DDX18: variants seen among roughly 807,000 people sequenced by gnomAD.
DDX18 encodes the protein ATP-dependent RNA helicase DDX18.
Under a neutral mutation model 73.5 loss-of-function variants are expected in DDX18, and 23 were observed. The ratio of observed to expected loss-of-function variants is 0.31; its 90% CI spans 0.23 to 0.44. DDX18 has a LOEUF of 0.44. Ranked by LOEUF, DDX18 falls within the 20% of genes least tolerant of loss-of-function variation. The pLI is 1.00. For synonymous variants in DDX18, 268 were observed against 282.7 expected (o/e 0.95, Z 0.52); for missense variants, 753 against 792.9 (o/e 0.95, Z 0.60).
In DDX18 at chr2:117,830,671, A is replaced by G; in HGVS notation, c.1960A>G (p.Ile654Val). 1 of 1,613,862 alleles carries G rather than the reference A, an allele frequency of 6.2e-7. No homozygotes were observed. Among genetic ancestry groups the G allele is most frequent in the Non-Finnish European group, 8.5e-7 (1 of 1,179,822 alleles). Reference sequence around the variant, plus strand: ...AACCAAGAAAGTTGAGAAATCCAAAATCTTTAAACACATTAGCAAGAAATC... The same window carrying G: ...AACCAAGAAAGTTGAGAAATCCAAAGTCTTTAAACACATTAGCAAGAAATC... ...QKTKKVEKSK[I>V]FKHISKKSSD... The change falls in exon 14 of 14, where the codon ATC becomes GTC. Residue 654 changes from isoleucine to valine, a missense_variant. Around this residue, in one of 3 missense-constraint regions of DDX18, gnomAD observed 402 missense variants for 419.4 expected, o/e 0.96. Transcript: ENST00000263239.
intron 7 of DDX18, chr2:117,824,308 GTAGA>G (rs373548525): frequency 4.7e-4 from 132 of 278,556 alleles, no homozygotes; most frequent in African/African-American, 2.7e-3. Context: ...AATTTCTTTA[GTAGA>G]TATAAGGCTA....
At chr2:117,821,342 C>T (rs748391458) in intron 4 of DDX18, 46 bp downstream of exon 4, 3 of 1,568,770 alleles carry the variant, frequency 1.9e-6, no homozygotes, top group Non-Finnish European at 2.6e-6. Context: ...ATTTTTAGAA[C>T]TAGTAGATGA....
At chr2:117,823,456 CACACACATAT>C (rs1367962696) in intron 7 of DDX18, among the ~76,000 whole-genome samples, 1 of 152,122 alleles carries the variant, frequency 6.6e-6, no homozygotes, top group African/African-American at 2.4e-5. Context: ...CATATATACA[CACACACATAT>C]ACACACATAT....
chr2:117,826,568 T>C, intron 11 of DDX18, 186 bp downstream of exon 11: 1 of 602,582 alleles, frequency 1.7e-6, no homozygotes, highest in Non-Finnish European at 2.9e-6. Context: ...ACTGCCCACA[T>C]GGCTCGGCTT....
chr2:117,828,959 G>C lies in DDX18; in HGVS notation c.1646G>C (p.Ser549Thr). 1 of 1,609,660 alleles carries C rather than the reference G, an allele frequency of 6.2e-7. No homozygotes were observed. Among genetic ancestry groups the C allele is most frequent in the Non-Finnish European group, 8.5e-7 (1 of 1,176,194 alleles). ...RYLKQSKVPL[S>T]EFDFSWSKIS... is the part of the protein sequence containing the mutation. ...ACTTTTGATTTCTAGGTTCCATTAA[G>C]TGAATTTGACTTTTCCTGGTCTAAA... The change falls in exon 12 of 14, where the codon AGT becomes ACT. Residue 549 changes from serine (S) to threonine (T), a missense_variant. Around this residue, in one of 3 missense-constraint regions of DDX18, gnomAD observed 402 missense variants for 419.4 expected, o/e 0.96. Coordinates refer to ENST00000263239, the MANE Select transcript of DDX18 (RefSeq NM_006773.4).
intron 10 of DDX18, 96 bp downstream of exon 10, chr2:117,825,695 G>C (rs1679914760): frequency 1.4e-6 from 2 of 1,446,408 alleles, no homozygotes; most frequent in South Asian, 2.6e-5. Flanking sequence ...CCACATTCAA[G>C]GTAAAGATCC....
At chr2:117,826,833 C>G (rs1306148156) in intron 11 of DDX18, 3 of 159,152 alleles carry the variant, frequency 1.9e-5, no homozygotes, top group African/African-American at 7.2e-5. Context: ...GCGGTTGGCG[C>G]TTTACCATCT....
chr2:117,830,235 C>T (rs953214438), intron 13 of DDX18, among the ~76,000 whole-genome samples: 12 of 152,120 alleles, frequency 7.9e-5, no homozygotes, highest in African/African-American at 2.9e-4. Context: ...AAATGATAGT[C>T]ATTTGTTTTG....
At chr2:117,829,188 T>C (rs1339672381) in intron 12 of DDX18, 101 bp from the exon 13 acceptor site, 1 of 1,325,842 alleles carries the variant, frequency 7.5e-7, no homozygotes, top group African/African-American at 1.5e-5. Context: ...TCTTTAAATG[T>C]TTTCCATGGA....
chr2:117,829,563 C>G, intron 13 of DDX18, 97 bp downstream of exon 13: 1 of 1,189,622 alleles, frequency 8.4e-7, no homozygotes, highest in Non-Finnish European at 1.2e-6. Flanking sequence ...TGTGTTCTGG[C>G]TCAGACTGGA....
intron 8 of DDX18, 98 bp from the exon 9 acceptor site, chr2:117,824,842 C>T (rs1679898883): frequency 1.4e-6 from 2 of 1,474,518 alleles, no homozygotes; most frequent in East Asian, 2.3e-5. Flanking sequence ...ACAGTTTACA[C>T]ACTGTGTTTA....
At chr2:117,824,913 G>T in intron 8 of DDX18, 27 bp from the exon 9 acceptor site, 3 of 1,584,090 alleles carry the variant, frequency 1.9e-6, no homozygotes, top group East Asian at 2.2e-5. Flanking sequence ...TGGTTCATTT[G>T]TATCTGTCTG....
chr2:117,824,605 C>G lies in DDX18; in HGVS notation c.1103C>G (p.Thr368Ser). The G allele has an allele frequency of 6.7e-7, 1 of 1,488,786 alleles. No individual in the cohort carries two copies. The highest frequency in any genetic ancestry group is 8.9e-7 in the Non-Finnish European group (1 of 1,120,594). 92.2% of individuals were successfully genotyped at this position (1,488,786 alleles called of 1,614,324 possible). A position where few individuals can be genotyped will look rare whatever the true frequency, so the allele number is the denominator to read the frequency against. ...RQTMLFSATQ[T>S]RKVEDLARIS... ...ACTATGCTCTTTTCTGCCACCCAAA[C>G]TCGAAAAGTTGAAGACCTGGCAAGG... The change falls in exon 8 of 14, where the codon ACT becomes AGT. Residue 368 changes from threonine (T) to serine (S), a missense_variant. This residue lies in a region of DDX18 where 402 missense variants were observed against 419.4 expected (regional missense o/e 0.96). Transcript: ENST00000263239.
At chr2:117,816,700 G>C (rs151023753) in intron 1 of DDX18, among the ~76,000 whole-genome samples, 1 of 152,078 alleles carries the variant, frequency 6.6e-6, no homozygotes, top group African/African-American at 2.4e-5. Flanking sequence ...TTATTATCAC[G>C]TATTATGTAT....
Position 117,825,474 on chromosome 2 carries a change from A to T in DDX18, c.1396A>T (p.Thr466Ser). ...HGKQKQNKRT[T>S]TFFQFCNADS... Reference sequence around the variant, plus strand: ...AAAGCAAAAGCAAAATAAGCGTACAACCACATTCTTCCAGTTCTGCAATGC... The same window carrying T: ...AAAGCAAAAGCAAAATAAGCGTACATCCACATTCTTCCAGTTCTGCAATGC... The change falls in exon 10 of 14, where the codon ACC becomes TCC. Residue 466 changes from threonine to serine, a missense_variant. This residue lies in a region of DDX18 where 402 missense variants were observed against 419.4 expected (regional missense o/e 0.96). Coordinates refer to ENST00000263239, the MANE Select transcript of DDX18 (RefSeq NM_006773.4). The T allele has an allele frequency of 6.2e-7, 1 of 1,613,928 alleles. No individual in the cohort carries two copies. Among genetic ancestry groups the T allele is most frequent in the Non-Finnish European group, 8.5e-7 (1 of 1,179,840 alleles).
In DDX18 at chr2:117,832,123, C is replaced by T. The variant is rs1373960544; in HGVS notation, c.*1399C>T. ...TCCTAATTCCTGGTGTTTAATAATT[C>T]TCTCCACGATCATGTTTTTCTGATT... On this transcript the variant is annotated 3_prime_UTR_variant, in exon 14 of 14. Coordinates refer to ENST00000263239, the MANE Select transcript of DDX18 (RefSeq NM_006773.4). 1 of 152,112 alleles carries T rather than the reference C, an allele frequency of 6.6e-6. No homozygotes were observed. Among genetic ancestry groups the T allele is most frequent in the Admixed American group, 6.6e-5 (1 of 15,266 alleles). The allele number at this position is 152,112 out of a possible 1,614,324, so 9.4% of individuals were successfully genotyped here. A position where few individuals can be genotyped will look rare whatever the true frequency, so the allele number is the denominator to read the frequency against.
In DDX18 at chr2:117,814,810, G is replaced by C. The variant is rs758087685; in HGVS notation, c.33G>C (p.Lys11Asn). 2.5e-6 allele frequency: 4 copies of C among 1,614,134 alleles called. No individual in the cohort carries two copies. The Admixed American group carries it at 5.0e-5, about 20-fold the overall frequency. ...ACCTGCCGATGAAACTCCTGCGTAAGAAGATCGAGAAGCGGAACCTCAAAT... is the reference window on the plus strand; with the variant it reads ...ACCTGCCGATGAAACTCCTGCGTAACAAGATCGAGAAGCGGAACCTCAAAT... MSHLPMKLLR[K>N]KIEKRNLKLR... The change falls in exon 1 of 14, where the codon AAG (lysine) becomes AAC (asparagine). Residue 11 changes from lysine to asparagine, a missense_variant. Lys to Asn is a moderately conservative substitution (Grantham distance 94). Around this residue, in one of 3 missense-constraint regions of DDX18, gnomAD observed 345 missense variants for 352.0 expected, o/e 0.98. Transcript: ENST00000263239.
At position 117,830,626 on chromosome 2, in the gene DDX18, G is replaced by A. The variant is rs148822855; in HGVS notation, c.1915G>A (p.Gly639Ser). The A allele has an allele frequency of 4.7e-5, 76 of 1,613,668 alleles. No homozygotes were observed. Among genetic ancestry groups the A allele is most frequent in the Middle Eastern group, 3.3e-4 (2 of 6,076 alleles). The change falls in exon 14 of 14, where the codon GGT becomes AGT. Residue 639 changes from glycine to serine, a missense_variant. By Grantham distance (56) the Gly-to-Ser change is moderately conservative. Transcript: ENST00000263239. ...CAAGCAGAAAAAGCGAGGAGGTGGTGGTGGATTTGGCTACCAGAAAACCAA... is the reference window on the plus strand; with the variant it reads ...CAAGCAGAAAAAGCGAGGAGGTGGTAGTGGATTTGGCTACCAGAAAACCAA... Reference protein sequence around the residue: ...EGKQKKRGGGGGFGYQKTKKV... With the variant: ...EGKQKKRGGGSGFGYQKTKKV...
At chr2:117,822,299 C>G (rs779738570) in intron 7 of DDX18, 38 bp downstream of exon 7, 1 of 1,497,380 alleles carries the variant, frequency 6.7e-7, no homozygotes, top group East Asian at 2.3e-5. Flanking sequence ...TGCAAAGTAT[C>G]TGTTGGAGGT....
Sources: gnomAD v4.1 joint callset for allele counts (sites outside exome capture counted in the v4.1 genomes callset) on GRCh38, gnomAD v4.1.1 for gene constraint, gnomAD v4.1.1 regional missense constraint, MANE v1.5 for transcripts, NCBI Gene and HGNC (gene_info 2026-07-23, HGNC 2026-07-21) for gene names.